Variants in HAL observed in about 807,000 individuals in gnomAD.
The protein encoded by HAL is histidase.
Under a neutral mutation model 81.1 loss-of-function variants are expected in HAL, and 85 were observed. That is an observed-to-expected ratio of 1.05 (90% confidence interval 0.88 to 1.25). The LOEUF is 1.25. Among genes scored for constraint, HAL ranks in the 50% most tolerant of loss-of-function variants. HAL has a pLI of 0.00. For missense variants in HAL, 798 were observed against 836.6 expected (o/e 0.95, Z 0.57); for synonymous variants, 301 against 309.2 (o/e 0.97, Z 0.28).
chr12:95,976,495 G>A lies in HAL; in HGVS notation c.1767C>T (p.Pro589=). Residue 589 remains proline (P), a synonymous_variant, in exon 20 of 21, where the codon CCC becomes CCT. Transcript: ENST00000261208. The stretch of plus-strand genomic sequence containing the variant: ...GGGCCATGAAGCGATCTTTTATCCA[G>A]GGCCTACAGGGAGAGCACATCCGCC... The part of the protein sequence containing the change: ...VYDLVRSVVR[P]WIKDRFMAPD... 1 of 1,614,022 alleles carries A rather than the reference G, an allele frequency of 6.2e-7. No homozygotes were observed. Among genetic ancestry groups the A allele is most frequent in the Non-Finnish European group, 8.5e-7 (1 of 1,179,880 alleles).
Position 95,990,437 on chromosome 12 carries a change from C to T in HAL, c.811G>A (p.Gly271Arg). ...SHLALGLVGE[G>R]KMWSPKSGWA... is the part of the protein sequence containing the mutation. ...CCACTCTTCGGAGACCACATCTTCC[C>T]TTCTCCAACTAGCCCAAGAGCAAGA... The change falls in exon 10 of 21, where the codon GGG becomes AGG. Residue 271 changes from glycine (G) to arginine (R), a missense_variant. Physicochemically the swap from Gly to Arg is moderately radical, Grantham distance 125. Coordinates refer to ENST00000261208, the MANE Select transcript of HAL (RefSeq NM_002108.4). 6.2e-7 allele frequency: 1 copy of T among 1,612,990 alleles called. No homozygotes were observed. The highest frequency in any genetic ancestry group is 8.5e-7 in the Non-Finnish European group (1 of 1,178,920).
At chr12:95,981,815 A>G (rs1333283739) in intron 15 of HAL, among the ~76,000 whole-genome samples, 1 of 152,216 alleles carries the variant, frequency 6.6e-6, no homozygotes, top group Non-Finnish European at 1.5e-5. Context: ...ACCCAGGAAA[A>G]GGCAGTAACA....
chr12:95,996,196 C>G lies in HAL; in HGVS notation c.-200G>C. The G allele has an allele frequency of 1.8e-5, 8 of 446,040 alleles. 1 individual carries two copies. The highest frequency in any genetic ancestry group is 1.5e-4 in the South Asian group (7 of 46,694). 27.6% of individuals were successfully genotyped at this position (446,040 alleles called of 1,614,324 possible). A position where few individuals can be genotyped will look rare whatever the true frequency, so the allele number is the denominator to read the frequency against. On this transcript the variant is annotated 5_prime_UTR_variant, in exon 1 of 21. Transcript: ENST00000261208. Reference sequence around the variant, plus strand: ...CCAGAAAGGCCTGGGGTCTCCCACCCTGGGAGGTGCTGTTCTTGTCCCTGA... The same window carrying G: ...CCAGAAAGGCCTGGGGTCTCCCACCGTGGGAGGTGCTGTTCTTGTCCCTGA...
intron 9 of HAL, 47 bp from the exon 10 acceptor site, chr12:95,990,579 A>G: frequency 6.4e-7 from 1 of 1,557,812 alleles, no homozygotes. Context: ...CTGCATTCTG[A>G]CTCTCCTTGC....
chr12:95,992,836 A>G, intron 8 of HAL, 31 bp from the exon 9 acceptor site: 1 of 1,607,922 alleles, frequency 6.2e-7, no homozygotes, highest in Non-Finnish European at 8.5e-7. Flanking sequence ...TTTCTCCAAG[A>G]AAAGCAAACT....
intron 18 of HAL, among the ~76,000 whole-genome samples, chr12:95,977,346 A>T (rs1466094711): frequency 6.6e-6 from 1 of 151,430 alleles, no homozygotes; most frequent in Non-Finnish European, 1.5e-5. Context: ...AGTTCATGGT[A>T]CTCTTCTCTC....
chr12:95,981,396 A>G (rs74452515), intron 15 of HAL, among the ~76,000 whole-genome samples: 1 of 152,224 alleles, frequency 6.6e-6, no homozygotes, highest in East Asian at 1.9e-4. Flanking sequence ...GATGGTGGCC[A>G]ATATGTCCTC....
rs772337495 is a variant in HAL, at chr12:95,993,407, T to C, written c.589+44A>G. On this transcript the variant is annotated intron_variant, in intron 8 of 20. Transcript: ENST00000261208. ...CTCACACTGTGCTGTGCTTTATTCA[T>C]CTAATCACACAAGATCCAGGAGGCA... The C allele has an allele frequency of 1.1e-5, 14 of 1,263,594 alleles. No homozygotes were observed. The South Asian group carries it at 1.4e-4, about 13-fold the overall frequency. 78.3% of individuals were successfully genotyped at this position (1,263,594 alleles called of 1,614,324 possible).
At chr12:95,994,400 G>GGTTT (rs1950007996) in intron 4 of HAL, among the ~76,000 whole-genome samples, 1 of 152,206 alleles carries the variant, frequency 6.6e-6, no homozygotes, top group Non-Finnish European at 1.5e-5. Context: ...GTGGTTGGTT[G>GGTTT]GTTTGTTTGT....
chr12:95,983,441 CTT>C (rs1175579407), intron 15 of HAL, among the ~76,000 whole-genome samples: 1 of 152,140 alleles, frequency 6.6e-6, no homozygotes, highest in Non-Finnish European at 1.5e-5. Context: ...AGCCATAACT[CTT>C]TAATCAATAC....
intron 18 of HAL, 24 bp from the exon 19 acceptor site, chr12:95,976,730 G>A (rs1565984675): frequency 1.4e-6 from 2 of 1,462,252 alleles, no homozygotes; most frequent in Non-Finnish European, 9.6e-7. Context: ...TTCCAAGAGG[G>A]TAGCTTATGA....
rs772087310 is a variant in HAL, at chr12:95,990,410, A to C, written c.838T>G (p.Trp280Gly). The C allele has an allele frequency of 3.3e-5, 54 of 1,613,660 alleles. No individual in the cohort carries two copies. The highest frequency in any genetic ancestry group is 4.2e-5 in the Non-Finnish European group (49 of 1,179,642). Residue 280 changes from tryptophan (W) to glycine (G), a missense_variant, in exon 10 of 21, where the codon TGG becomes GGG. Coordinates refer to ENST00000261208, the MANE Select transcript of HAL (RefSeq NM_002108.4). ...EGKMWSPKSGWADAKYVLEAH... is the reference protein window; with the variant it reads ...EGKMWSPKSGGADAKYVLEAH... ...AGTCTTACGTATTTAGCATCAGCCC[A>C]GCCACTCTTCGGAGACCACATCTTC...
At chr12:95,987,837 T>C (rs965210793) in intron 11 of HAL, among the ~76,000 whole-genome samples, 2 of 147,178 alleles carry the variant, frequency 1.4e-5, no homozygotes, top group African/African-American at 5.0e-5. Flanking sequence ...GCCTCCAGGG[T>C]AGCTGGGATT....
intron 11 of HAL, among the ~76,000 whole-genome samples, chr12:95,987,814 T>A (rs1949912982): frequency 1.4e-5 from 2 of 144,386 alleles, no homozygotes; most frequent in Admixed American, 1.4e-4. Context: ...GCTCAAGTGA[T>A]CCTCCCACCT....
At chr12:95,994,280 C>G (rs1290044082) in intron 4 of HAL, 116 bp from the exon 5 acceptor site, 1 of 795,806 alleles carries the variant, frequency 1.3e-6, no homozygotes, top group Non-Finnish European at 2.3e-6. Flanking sequence ...TTGCGTGAAA[C>G]ATGAATATGC....
chr12:95,995,602 G>A, intron 2 of HAL, 62 bp downstream of exon 2: 4 of 1,604,048 alleles, frequency 2.5e-6, no homozygotes, highest in Non-Finnish European at 3.4e-6. Flanking sequence ...GGGGTTCAAT[G>A]CTGCAAAGAC....
At chr12:95,986,567 A>G (rs1738704310) in intron 12 of HAL, among the ~76,000 whole-genome samples, 1 of 152,220 alleles carries the variant, frequency 6.6e-6, no homozygotes, top group Non-Finnish European at 1.5e-5. Flanking sequence ...CCTTAAAGGA[A>G]CAGGGCGAAT....
intron 20 of HAL, among the ~76,000 whole-genome samples, chr12:95,975,867 G>A (rs2080712655): frequency 6.6e-6 from 1 of 152,186 alleles, no homozygotes; most frequent in Non-Finnish European, 1.5e-5. Flanking sequence ...CTTCAAAAAC[G>A]ATATTTAAAA....
intron 15 of HAL, among the ~76,000 whole-genome samples, chr12:95,981,969 C>T (rs888493296): frequency 6.6e-6 from 1 of 152,190 alleles, no homozygotes; most frequent in African/African-American, 2.4e-5. Context: ...TTAACCTACT[C>T]AAGTGTGGAT....
Sources: gnomAD v4.1 joint callset for allele counts (sites outside exome capture counted in the v4.1 genomes callset) on GRCh38, gnomAD v4.1.1 for gene constraint, MANE v1.5 for transcripts, NCBI Gene and HGNC (gene_info 2026-07-23, HGNC 2026-07-21) for gene names.